The following RPA3 variants were observed in gnomAD, a reference collection of about 807,000 sequenced individuals.
RPA3 encodes the protein replication protein A3, also known as replication protein A 14 kDa subunit.
In RPA3, 24 loss-of-function variants were observed where a neutral mutation model predicts 13.7. The observed-to-expected ratio is 1.75, with a 90% CI of 1.27 to 2.46. The LOEUF (loss-of-function observed/expected upper bound fraction) is 2.46, where lower values mean the gene tolerates loss of function less well. Ranked by LOEUF, RPA3 falls within the 30% of genes most tolerant of loss-of-function variation. The pLI is 0.00. For missense variants in RPA3, 183 were observed against 151.0 expected (o/e 1.21, Z -1.11); for synonymous variants, 59 against 51.2 (o/e 1.15, Z -0.65).
At chr7:7,638,546 C>T (rs1583679622) in intron 6 of RPA3, 1 of 22,920 alleles carries the variant, frequency 4.4e-5, no homozygotes, top group Non-Finnish European at 1.6e-4. Context: ...TTACAAAAAA[C>T]AAAACAAAAC....
intron 4 of RPA3, among the ~76,000 whole-genome samples, chr7:7,641,906 T>C (rs1444117549): frequency 6.6e-6 from 1 of 152,222 alleles, no homozygotes; most frequent in Non-Finnish European, 1.5e-5. Flanking sequence ...TAGTGTTTCC[T>C]TAGCACTTAA....
intron 3 of RPA3, among the ~76,000 whole-genome samples, chr7:7,686,293 A>G (rs1475662968): frequency 3.3e-5 from 5 of 152,124 alleles, no homozygotes; most frequent in Admixed American, 3.3e-4. Context: ...CACTATTGGG[A>G]AGTGTGTCCA....
At chr7:7,649,359 T>TC (rs1191435252) in intron 4 of RPA3, among the ~76,000 whole-genome samples, 1 of 151,750 alleles carries the variant, frequency 6.6e-6, no homozygotes, top group African/African-American at 2.4e-5. Context: ...AGGAAACTAC[T>TC]CCCCCAATAA....
At chr7:7,682,164 G>C (rs1779929414) in intron 4 of RPA3, among the ~76,000 whole-genome samples, 1 of 152,014 alleles carries the variant, frequency 6.6e-6, no homozygotes, top group Non-Finnish European at 1.5e-5. Flanking sequence ...CTTCAAGTAG[G>C]GCATAAGAAC....
chr7:7,691,049 T>C (rs1365591324), intron 2 of RPA3, among the ~76,000 whole-genome samples: 1 of 152,186 alleles, frequency 6.6e-6, no homozygotes, highest in African/African-American at 2.4e-5. Flanking sequence ...AAACCTGTAT[T>C]TTTCAATTTG....
At chr7:7,662,342 G>C (rs1249019505) in intron 4 of RPA3, among the ~76,000 whole-genome samples, 1 of 152,164 alleles carries the variant, frequency 6.6e-6, no homozygotes, top group Non-Finnish European at 1.5e-5. Context: ...TGGCGTTCTA[G>C]GGGCCAGTGG....
intron 2 of RPA3, among the ~76,000 whole-genome samples, chr7:7,703,747 C>T (rs1171403601): frequency 2.0e-5 from 3 of 152,138 alleles, no homozygotes; most frequent in East Asian, 1.9e-4. Flanking sequence ...TGAGATCAGC[C>T]TGGGCAACGT....
rs74549235 is a variant in RPA3 at position 7,675,693 on chromosome 7, G to C, written c.-758+10137C>G. ...AGGGAATTTTCCCAGGACCATCTTG[G>C]ACTAGCATAATTGGTGTCGTACCCA... On this transcript the variant is annotated intron_variant, in intron 4 of 7. Transcript: ENST00000223129. Among the ~76,000 whole-genome samples, 190 of 152,234 alleles carry C rather than the reference G, an allele frequency of 1.2e-3. 1 individual carries two copies. The highest frequency in any genetic ancestry group is 4.4e-3 in the African/African-American group (181 of 41,534).
At chr7:7,672,760 T>G (rs747776053) in intron 4 of RPA3, among the ~76,000 whole-genome samples, 32 of 152,208 alleles carry the variant, frequency 2.1e-4, no homozygotes, top group Non-Finnish European at 4.1e-4. Context: ...CCTTTCTTTA[T>G]AAATCACTCA....
chr7:7,674,497 T>C (rs532569153), intron 4 of RPA3, among the ~76,000 whole-genome samples: 71 of 152,222 alleles, frequency 4.7e-4, no homozygotes, highest in Non-Finnish European at 9.0e-4. Context: ...AGAACCTGTC[T>C]TGTATGTCCA....
intron 4 of RPA3, among the ~76,000 whole-genome samples, chr7:7,680,795 C>G (rs1779890259): frequency 6.6e-6 from 1 of 151,410 alleles, no homozygotes; most frequent in African/African-American, 2.4e-5. Flanking sequence ...TTTTATTTTA[C>G]TGGTAGCTTT....
intron 2 of RPA3, among the ~76,000 whole-genome samples, chr7:7,711,480 A>G (rs1780762144): frequency 6.6e-6 from 1 of 152,168 alleles, no homozygotes; most frequent in Non-Finnish European, 1.5e-5. Flanking sequence ...AGGATATTGT[A>G]CTTCAAGGAT....
At chr7:7,690,387 AAGTATATATTATGTTTTTACTGG>A (rs1262096322) in intron 2 of RPA3, among the ~76,000 whole-genome samples, 2 of 152,168 alleles carry the variant, frequency 1.3e-5, no homozygotes, top group East Asian at 3.8e-4. Flanking sequence ...GTTTAAAACC[AAGTATATATTATGTTTTTACTGG>A]AGTTGAACAT....
At chr7:7,709,472 A>T (rs1780693636) in intron 2 of RPA3, among the ~76,000 whole-genome samples, 1 of 152,222 alleles carries the variant, frequency 6.6e-6, no homozygotes, top group Non-Finnish European at 1.5e-5. Flanking sequence ...AATGCTGTAA[A>T]ACAAAGCAGA....
chr7:7,701,075 G>C (rs1780450551), intron 2 of RPA3, among the ~76,000 whole-genome samples: 1 of 152,094 alleles, frequency 6.6e-6, no homozygotes, highest in Non-Finnish European at 1.5e-5. Context: ...AGTCATACAA[G>C]TATAATTCAC....
intron 4 of RPA3, among the ~76,000 whole-genome samples, chr7:7,678,519 A>AAT (rs1472570507): frequency 2.0e-5 from 2 of 99,600 alleles, no homozygotes; most frequent in African/African-American, 8.3e-5. Flanking sequence ...AATATAGATA[A>AAT]ATATATTTAT....
chr7:7,640,251 C>G (rs1179710645), intron 5 of RPA3, 69 bp downstream of exon 5: 5 of 1,498,574 alleles, frequency 3.3e-6, no homozygotes, highest in Admixed American at 1.7e-5. Flanking sequence ...TTTTTCATCC[C>G]CCGTTATCCA....
At chr7:7,640,210 CG>C in intron 5 of RPA3, 109 bp downstream of exon 5, 1 of 1,160,834 alleles carries the variant, frequency 8.6e-7, no homozygotes, top group Admixed American at 1.8e-5. Flanking sequence ...ATAAAGGAGT[CG>C]GGGGCGCAGT....
chr7:7,639,416 A>G (rs1563071924), intron 5 of RPA3, among the ~76,000 whole-genome samples: 1 of 152,182 alleles, frequency 6.6e-6, no homozygotes, highest in Non-Finnish European at 1.5e-5. Context: ...CCCTATTCTG[A>G]TAACAAATTA....
Sources: gnomAD v4.1 joint callset for allele counts (sites outside exome capture counted in the v4.1 genomes callset) on GRCh38, gnomAD v4.1.1 for gene constraint, MANE v1.5 for transcripts, NCBI Gene and HGNC (gene_info 2026-07-23, HGNC 2026-07-21) for gene names.